RIMS1: variants seen among roughly 807,000 people sequenced by gnomAD.
RIMS1 encodes the protein regulating synaptic membrane exocytosis protein 1.
A neutral mutation model predicts 214.1 loss-of-function variants in RIMS1; 83 were observed. The ratio of observed to expected loss-of-function variants is 0.39; its 90% CI spans 0.32 to 0.47. The LOEUF is 0.47. Among genes scored for constraint, RIMS1 ranks in the 20% least tolerant of loss-of-function variants. RIMS1 has a pLI of 0.99. For missense variants in RIMS1, 2,050 were observed against 2,161.8 expected (o/e 0.95, Z 1.03); for synonymous variants, 793 against 786.8 (o/e 1.01, Z -0.13).
At chr6:71,922,026 CA>C (rs1361658734) in intron 1 of RIMS1, among the ~76,000 whole-genome samples, 4 of 152,166 alleles carry the variant, frequency 2.6e-5, no homozygotes, top group Non-Finnish European at 5.9e-5. Flanking sequence ...CAGTGGCATA[CA>C]TATGTATACT....
chr6:72,158,116 C>A lies in RIMS1; in HGVS notation c.472-21459C>A, dbSNP rs186385735. ...TACCAACTGTTGCTGTTTATTCTTT[C>A]CTGTATTTTTATTTCCATTTAGCTT... On this transcript the variant is annotated intron_variant, in intron 4 of 33. Coordinates refer to ENST00000521978, the MANE Select transcript of RIMS1 (RefSeq NM_014989.7). 2.3e-3 allele frequency among the ~76,000 whole-genome samples: 319 copies of A among 140,698 alleles called. 21 individuals carry two copies. The highest frequency in any genetic ancestry group is 7.5e-3 in the Middle Eastern group (2 of 268). 92.3% of individuals were successfully genotyped at this position (140,698 alleles called of 152,430 possible).
intron 2 of RIMS1, among the ~76,000 whole-genome samples, chr6:71,992,772 A>G (rs1457305335): frequency 6.6e-6 from 1 of 151,866 alleles, no homozygotes; most frequent in Non-Finnish European, 1.5e-5. Flanking sequence ...TGATCCTCCC[A>G]TCTCAGTGTC....
At chr6:72,261,036 G>A (rs1185371554) in intron 19 of RIMS1, 8 of 1,246,416 alleles carry the variant, frequency 6.4e-6, no homozygotes, top group East Asian at 4.4e-5. Flanking sequence ...CTAAAACTGA[G>A]GAACCAGTTT....
intron 1 of RIMS1, among the ~76,000 whole-genome samples, chr6:71,923,793 A>T (rs1780751689): frequency 6.6e-6 from 1 of 151,930 alleles, no homozygotes; most frequent in Non-Finnish European, 1.5e-5. Flanking sequence ...TGAACTGCTG[A>T]CCTCAGGTGA....
intron 6 of RIMS1, among the ~76,000 whole-genome samples, chr6:72,208,094 C>G (rs2053230925): frequency 6.6e-6 from 1 of 152,056 alleles, no homozygotes; most frequent in Non-Finnish European, 1.5e-5. Flanking sequence ...TATACAAGAC[C>G]AGGACACTCA....
intron 24 of RIMS1, among the ~76,000 whole-genome samples, chr6:72,288,676 C>T (rs1433877888): frequency 1.3e-5 from 2 of 152,282 alleles, no homozygotes; most frequent in Middle Eastern, 3.4e-3. Context: ...TATCATCTCT[C>T]CTCTGCAAAA....
At chr6:72,207,924 T>C (rs1386295972) in intron 6 of RIMS1, among the ~76,000 whole-genome samples, 1 of 152,192 alleles carries the variant, frequency 6.6e-6, no homozygotes, top group African/African-American at 2.4e-5. Context: ...AAATTAGATC[T>C]GTAAGTATGT....
chr6:71,902,896 A>C (rs1252012567), intron 1 of RIMS1, among the ~76,000 whole-genome samples: 1 of 152,136 alleles, frequency 6.6e-6, no homozygotes, highest in Non-Finnish European at 1.5e-5. Flanking sequence ...TGTGGCGTAT[A>C]TGTTTCACAC....
chr6:71,960,773 A>G (rs1183626669), intron 1 of RIMS1, among the ~76,000 whole-genome samples: 1 of 152,154 alleles, frequency 6.6e-6, no homozygotes, highest in Non-Finnish European at 1.5e-5. Context: ...ATATTCAAGT[A>G]GACATGGGTT....
At chr6:72,266,178 C>T (rs910867492) in intron 22 of RIMS1, 129 bp downstream of exon 22, 1 of 727,828 alleles carries the variant, frequency 1.4e-6, no homozygotes, top group Non-Finnish European at 2.4e-6. Flanking sequence ...GTCTACATTT[C>T]CCCTTCCCTT....
chr6:72,280,451 G>C (rs543477186), intron 23 of RIMS1, among the ~76,000 whole-genome samples: 1 of 151,834 alleles, frequency 6.6e-6, no homozygotes, highest in Non-Finnish European at 1.5e-5. Flanking sequence ...GCTATAATTT[G>C]GATTCAAAAT....
At chr6:71,901,592 G>T (rs540438955) in intron 1 of RIMS1, among the ~76,000 whole-genome samples, 1 of 152,222 alleles carries the variant, frequency 6.6e-6, no homozygotes, top group South Asian at 2.1e-4. Context: ...GTGGATATGA[G>T]ATTGGTAGGC....
chr6:72,160,352 T>C (rs1175353282), intron 4 of RIMS1, among the ~76,000 whole-genome samples: 1 of 139,814 alleles, frequency 7.2e-6, no homozygotes, highest in African/African-American at 2.5e-5. Context: ...GACTTCCTCG[T>C]TTCCTAATTG....
At chr6:72,348,108 A>C (rs1594724632) in intron 29 of RIMS1, among the ~76,000 whole-genome samples, 1 of 151,966 alleles carries the variant, frequency 6.6e-6, no homozygotes, top group African/African-American at 2.4e-5. Flanking sequence ...CATTGTGACA[A>C]GCAAGCTCTT....
chr6:72,133,224 TTC>T (rs1303572462), intron 4 of RIMS1, among the ~76,000 whole-genome samples: 1 of 140,722 alleles, frequency 7.1e-6, no homozygotes, highest in African/African-American at 2.5e-5. Context: ...TTTTTTTCTT[TTC>T]TCTCTTTTTT....
At chr6:72,320,722 C>G (rs1343314802) in intron 28 of RIMS1, among the ~76,000 whole-genome samples, 1 of 151,758 alleles carries the variant, frequency 6.6e-6, no homozygotes, top group Non-Finnish European at 1.5e-5. Flanking sequence ...GAGATAAATA[C>G]TTATTATTGT....
chr6:72,257,034 T>C (rs1208207725), intron 16 of RIMS1, among the ~76,000 whole-genome samples: 1 of 152,054 alleles, frequency 6.6e-6, no homozygotes, highest in African/African-American at 2.4e-5. Context: ...TCACAATATA[T>C]AAACTGCTAG....
chr6:72,244,493 T>G (rs1300563658), intron 10 of RIMS1, among the ~76,000 whole-genome samples: 1 of 151,866 alleles, frequency 6.6e-6, no homozygotes, highest in Non-Finnish European at 1.5e-5. Flanking sequence ...CATAATGGAC[T>G]ATGAGGCTGA....
intron 4 of RIMS1, among the ~76,000 whole-genome samples, chr6:72,149,488 G>A (rs1454663993): frequency 6.6e-6 from 1 of 151,968 alleles, no homozygotes; most frequent in Non-Finnish European, 1.5e-5. Context: ...AGACGTCTGT[G>A]AAGGGAAACA....
Sources: gnomAD v4.1 joint callset for allele counts (sites outside exome capture counted in the v4.1 genomes callset) on GRCh38, gnomAD v4.1.1 for gene constraint, MANE v1.5 for transcripts, NCBI Gene and HGNC (gene_info 2026-07-23, HGNC 2026-07-21) for gene names.